Variants in RCOR1 observed in about 807,000 individuals in gnomAD.
RCOR1 encodes the protein REST corepressor.
RCOR1 carries 12 observed loss-of-function variants against 64.0 expected under a neutral mutation model. That is an observed-to-expected ratio of 0.19 (90% CI 0.12 to 0.30). The LOEUF (loss-of-function observed/expected upper bound fraction) is 0.30. Ranked by LOEUF, RCOR1 falls within the 10% of genes least tolerant of loss-of-function variation. RCOR1 has a pLI of 1.00. For synonymous variants in RCOR1, 279 were observed against 227.2 expected (o/e 1.23, Z -2.05); for missense variants, 502 against 621.2 (o/e 0.81, Z 2.04).
intron 2 of RCOR1, among the ~76,000 whole-genome samples, chr14:102,650,082 C>T (rs1388799755): frequency 1.3e-5 from 2 of 151,484 alleles, no homozygotes; most frequent in Admixed American, 6.6e-5. Context: ...CCTGTAGTCC[C>T]AGCTACTCAG....
intron 2 of RCOR1, among the ~76,000 whole-genome samples, chr14:102,656,580 G>C (rs1005445597): frequency 6.6e-6 from 1 of 151,884 alleles, no homozygotes; most frequent in Non-Finnish European, 1.5e-5. Context: ...CAATTCTCCT[G>C]TTCCAGCCTC....
At chr14:102,717,344 G>A (rs1896086417) in intron 8 of RCOR1, among the ~76,000 whole-genome samples, 2 of 152,206 alleles carry the variant, frequency 1.3e-5, no homozygotes, top group Admixed American at 1.3e-4. Flanking sequence ...TCATAGACGC[G>A]AAGAGCAGGG....
intron 3 of RCOR1, among the ~76,000 whole-genome samples, chr14:102,687,256 A>T (rs1403502066): frequency 6.6e-6 from 1 of 152,224 alleles, no homozygotes; most frequent in Non-Finnish European, 1.5e-5. Flanking sequence ...CTTCCTTTTT[A>T]GAGGTAGAAA....
At chr14:102,639,375 C>T (rs1894313015) in intron 2 of RCOR1, among the ~76,000 whole-genome samples, 1 of 150,686 alleles carries the variant, frequency 6.6e-6, no homozygotes, top group Non-Finnish European at 1.5e-5. Flanking sequence ...AATGATCCTC[C>T]TACCTCAGCC....
intron 8 of RCOR1, 82 bp from the exon 9 acceptor site, chr14:102,720,925 G>A (rs1326770533): frequency 1.4e-6 from 1 of 721,112 alleles, no homozygotes; most frequent in Non-Finnish European, 2.3e-6. Context: ...TTGGGTTTTT[G>A]TTTCTTTAGG....
intron 2 of RCOR1, among the ~76,000 whole-genome samples, chr14:102,635,244 C>CT (rs1248284701): frequency 3.3e-5 from 5 of 152,184 alleles, no homozygotes; most frequent in Non-Finnish European, 5.9e-5. Context: ...CGGCTCATGC[C>CT]TATAATCCCA....
At chr14:102,617,284 A>G (rs1451537554) in intron 2 of RCOR1, among the ~76,000 whole-genome samples, 1 of 152,240 alleles carries the variant, frequency 6.6e-6, no homozygotes. Flanking sequence ...TATACTCTGG[A>G]AAAATGAGAT....
intron 2 of RCOR1, among the ~76,000 whole-genome samples, chr14:102,630,935 T>A (rs1202931237): frequency 6.6e-6 from 1 of 152,068 alleles, no homozygotes; most frequent in African/African-American, 2.4e-5. Flanking sequence ...GGGCCTTTTT[T>A]CTTGGTTACT....
chr14:102,706,429 A>G (rs1014008298), intron 4 of RCOR1, among the ~76,000 whole-genome samples: 7 of 152,216 alleles, frequency 4.6e-5, no homozygotes, highest in South Asian at 2.1e-4. Context: ...TTATAATAAT[A>G]TCAGTCAAAA....
intron 4 of RCOR1, among the ~76,000 whole-genome samples, chr14:102,705,952 CA>C (rs1036991923): frequency 5.6e-5 from 8 of 143,436 alleles, no homozygotes; most frequent in East Asian, 4.0e-4. Flanking sequence ...CCTGTCTCTA[CA>C]AAAAAAAAAC....
chr14:102,604,429 C>T (rs911668135), intron 2 of RCOR1, among the ~76,000 whole-genome samples: 39 of 152,110 alleles, frequency 2.6e-4, no homozygotes, highest in African/African-American at 9.4e-4. Flanking sequence ...TAACAAAACC[C>T]TCGAAAGAAT....
intron 2 of RCOR1, among the ~76,000 whole-genome samples, chr14:102,632,659 CTTTCCTTTCCTTTCCTTTCCT>C (rs1157181305): frequency 0.013 from 817 of 64,256 alleles, 21 homozygotes; most frequent in Middle Eastern, 0.062. Flanking sequence ...CTTTCCTTTC[CTTTCCTTTCCTTTCCTTTCCT>C]TTTCCTTTTC....
rs1896282190 is a variant in RCOR1 at position 102,727,084 on chromosome 14, A to G, written c.*578A>G. On this transcript the variant is annotated 3_prime_UTR_variant, in exon 12 of 12. Coordinates refer to ENST00000262241, the MANE Select transcript of RCOR1 (RefSeq NM_015156.4). ...ATCCTGATGCAACTCACATTTCCCTAAACATGGGGTACAGTTATGATTTAT... is the reference window on the plus strand; with the variant it reads ...ATCCTGATGCAACTCACATTTCCCTGAACATGGGGTACAGTTATGATTTAT... 1 of 152,320 alleles carries G rather than the reference A, an allele frequency of 6.6e-6. No homozygotes were observed. Among genetic ancestry groups the G allele is most frequent in the East Asian group, 1.9e-4 (1 of 5,204 alleles). 9.4% of individuals were successfully genotyped at this position (152,320 alleles called of 1,614,324 possible).
At chr14:102,614,086 G>T (rs1893695267) in intron 2 of RCOR1, among the ~76,000 whole-genome samples, 1 of 151,448 alleles carries the variant, frequency 6.6e-6, no homozygotes, top group South Asian at 2.1e-4. Flanking sequence ...GTAGAGACGG[G>T]GTTTCTCCAT....
At chr14:102,692,359 C>T (rs933628962) in intron 3 of RCOR1, among the ~76,000 whole-genome samples, 2 of 151,770 alleles carry the variant, frequency 1.3e-5, no homozygotes, top group African/African-American at 4.8e-5. Context: ...TATACCTACC[C>T]TTAGAAAACA....
intron 2 of RCOR1, among the ~76,000 whole-genome samples, chr14:102,616,271 T>TA (rs1434894794): frequency 6.6e-6 from 1 of 151,052 alleles, no homozygotes; most frequent in African/African-American, 2.5e-5. Flanking sequence ...TGTATATATA[T>TA]ATTTAAATTT....
At position 102,722,414 on chromosome 14, in the gene RCOR1, G is replaced by A. The variant is rs760424412; in HGVS notation, c.1417G>A (p.Glu473Lys). ...NSIKMPEEED[E>K]APVLDVRYAS... ...CATTAAGATGCCCGAAGAGGAAGAC[G>A]AGGTAAATCTGAAACAAAACAGTCA... Residue 473 changes from glutamate to lysine, a missense_variant and splice_region_variant, in exon 11 of 12, where the codon GAG becomes AAG. By Grantham distance (56) the Glu-to-Lys change is moderately conservative. Coordinates refer to ENST00000262241, the MANE Select transcript of RCOR1 (RefSeq NM_015156.4). 4.4e-6 allele frequency: 7 copies of A among 1,608,990 alleles called. No individual in the cohort carries two copies. The South Asian group carries it at 6.6e-5, about 15-fold the overall frequency.
intron 2 of RCOR1, among the ~76,000 whole-genome samples, chr14:102,595,928 G>T (rs1034936365): frequency 5.3e-5 from 8 of 151,704 alleles, no homozygotes; most frequent in Non-Finnish European, 1.5e-5. Flanking sequence ...GAATCTAACT[G>T]GTGTAAAGTA....
In RCOR1 at chr14:102,714,537, G is replaced by A. The variant is rs1320823023; in HGVS notation, c.973G>A (p.Glu325Lys). 6.2e-7 allele frequency: 1 copy of A among 1,613,980 alleles called. No homozygotes were observed. Among genetic ancestry groups the A allele is most frequent in the African/African-American group, 1.3e-5 (1 of 74,918 alleles). The change falls in exon 8 of 12, where the codon GAG becomes AAG. Residue 325 changes from glutamate to lysine, a missense_variant. Coordinates refer to ENST00000262241, the MANE Select transcript of RCOR1 (RefSeq NM_015156.4). ...AATGTTTCTTTCTCAAGAAGATGTG[G>A]AGGCTGTTTCTGCCAATGCCACTGC... ...KGMFLSQEDV[E>K]AVSANATAAT... is the part of the protein sequence containing the mutation.
Sources: allele counts gnomAD v4.1 joint callset (sites outside exome capture counted in the v4.1 genomes callset), GRCh38; gene constraint gnomAD v4.1.1; transcripts MANE v1.5; gene names NCBI Gene and HGNC (gene_info 2026-07-23, HGNC 2026-07-21).